The following AHRR variants were observed in gnomAD, a reference collection of about 807,000 sequenced individuals.
AHRR encodes the protein ahR repressor.
A neutral mutation model predicts 44.0 loss-of-function variants in AHRR; 28 were observed. The observed-to-expected ratio is 0.64, with a 90% confidence interval of 0.47 to 0.87. AHRR has a LOEUF of 0.87. AHRR is among the 40% of genes least tolerant of loss of function. The probability of loss-of-function intolerance (pLI) is 0.00; values close to 1 mark genes in which losing one functional copy is unlikely to be tolerated. For synonymous variants in AHRR, 434 were observed against 407.0 expected, an observed-to-expected ratio of 1.07 and a Z score of -0.80; for missense variants, 990 against 953.9, an observed-to-expected ratio of 1.04 and a Z score of -0.50.
At chr5:392,885 T>C (rs1490352379) in intron 4 of AHRR, among the ~76,000 whole-genome samples, 1 of 152,038 alleles carries the variant, frequency 6.6e-6, no homozygotes, top group Non-Finnish European at 1.5e-5. Flanking sequence ...CATGCCTTCA[T>C]TTTCTGCGTT....
At chr5:346,945 T>A (rs558251229) in intron 2 of AHRR, among the ~76,000 whole-genome samples, 3 of 152,138 alleles carry the variant, frequency 2.0e-5, no homozygotes, top group Non-Finnish European at 4.4e-5. Flanking sequence ...AGAGTTAAAA[T>A]CAAATCCCCC....
intron 4 of AHRR, among the ~76,000 whole-genome samples, chr5:410,094 C>A (rs957414621): frequency 5.3e-5 from 8 of 152,194 alleles, no homozygotes; most frequent in Non-Finnish European, 7.3e-5. Context: ...CTGCTGTGAC[C>A]AGAGCTTTAT....
intron 1 of AHRR, among the ~76,000 whole-genome samples, chr5:323,151 T>C (rs1019203658): frequency 6.6e-6 from 1 of 152,170 alleles, no homozygotes; most frequent in Non-Finnish European, 1.5e-5. Flanking sequence ...GGTCCTCCCC[T>C]GTCCCCCAAT....
chr5:413,811 G>A (rs115537736), intron 5 of AHRR, among the ~76,000 whole-genome samples: 32 of 152,332 alleles, frequency 2.1e-4, no homozygotes, highest in African/African-American at 6.3e-4. Flanking sequence ...GACACAGCTT[G>A]TTGTGGAAAT....
At chr5:391,366 G>C (rs1404306249) in intron 4 of AHRR, among the ~76,000 whole-genome samples, 8 of 114,018 alleles carry the variant, frequency 7.0e-5, no homozygotes, top group African/African-American at 3.4e-4. Flanking sequence ...CAGGGCCAGA[G>C]CGTGCATGGG....
chr5:400,643 G>A (rs1311009391), intron 4 of AHRR, among the ~76,000 whole-genome samples: 1 of 152,104 alleles, frequency 6.6e-6, no homozygotes, highest in Non-Finnish European at 1.5e-5. Flanking sequence ...TTGAAAGATG[G>A]GCCCACATGT....
chr5:406,677 C>T lies in AHRR; in HGVS notation c.352-6667C>T, dbSNP rs1367421866. On this transcript the variant is annotated intron_variant, in intron 4 of 10. Coordinates refer to ENST00000684583, the MANE Select transcript of AHRR (RefSeq NM_001377236.1). This position sits in a 1 kb window ranked among gnomAD's most constrained non-coding sequence, Gnocchi z 4.7. ...CGATGCAGGCAGCTCAAAGGAGAAA[C>T]GCAGCCCCTTCTCCCCTGTGAAACT... Among the ~76,000 whole-genome samples, 1 of 152,176 alleles carries T rather than the reference C, an allele frequency of 6.6e-6. No individual in the cohort carries two copies. The highest frequency in any genetic ancestry group is 2.4e-5 in the African/African-American group (1 of 41,422).
Position 389,417 on chromosome 5 carries a change from C to T in AHRR, c.351+12701C>T, listed in dbSNP as rs899668629. On this transcript the variant is annotated intron_variant, in intron 4 of 10. Coordinates refer to ENST00000684583, the MANE Select transcript of AHRR (RefSeq NM_001377236.1). ...GGATCACATTCTCAAAGTGAATCAA[C>T]GACACCAACATCAAGCCACATTCAA... Among the ~76,000 whole-genome samples, 17 of 152,202 alleles carry T rather than the reference C, an allele frequency of 1.1e-4. 1 individual carries two copies. The highest frequency in any genetic ancestry group is 6.2e-4 in the South Asian group (3 of 4,834).
intron 5 of AHRR, 149 bp downstream of exon 5, chr5:413,582 G>A (rs1431157856): frequency 1.6e-6 from 1 of 643,680 alleles, no homozygotes; most frequent in East Asian, 2.8e-5. Context: ...CCACACCCCA[G>A]CTTTGTCTAG....
At chr5:328,312 G>C (rs1382890296) in intron 1 of AHRR, among the ~76,000 whole-genome samples, 1 of 126,886 alleles carries the variant, frequency 7.9e-6, no homozygotes, top group Non-Finnish European at 1.6e-5. Context: ...CTGTCGCCCA[G>C]GCTGGAGTGC....
chr5:429,381 C>G lies in AHRR; in HGVS notation c.908+1375C>G, dbSNP rs1579711761. 2.6e-5 allele frequency among the ~76,000 whole-genome samples: 4 copies of G among 152,100 alleles called. No homozygotes were observed. In the East Asian group the frequency reaches 7.7e-4, roughly 29 times the overall value. ...CCTCTCAGAGAATCGTGCAGGACCC[C>G]TTCCCCGGCCACCTGGGCGAGTTGC... On this transcript the variant is annotated intron_variant, in intron 8 of 10. Transcript: ENST00000684583.
At chr5:399,579 C>T (rs984428304) in intron 4 of AHRR, among the ~76,000 whole-genome samples, 6 of 152,218 alleles carry the variant, frequency 3.9e-5, no homozygotes, top group African/African-American at 1.4e-4. Flanking sequence ...CACAGACGCT[C>T]ACTGTTGCCG....
chr5:407,832 C>T (rs769164621), intron 4 of AHRR, among the ~76,000 whole-genome samples: 54 of 152,218 alleles, frequency 3.5e-4, no homozygotes, highest in Non-Finnish European at 6.9e-4. Context: ...CCACTGAGCC[C>T]GGCCTTACTT....
rs1579720404 is a variant in AHRR, at chr5:434,972, G to T, written c.*138G>T. On this transcript the variant is annotated 3_prime_UTR_variant, in exon 11 of 11. Transcript: ENST00000684583. The stretch of plus-strand genomic sequence containing the variant: ...AGAGCTGTGCATGCGCAGTCTGCTA[G>T]TGTGTGTGTGCAGCATACGCAGGAG... The T allele has an allele frequency of 3.3e-6, 4 of 1,221,032 alleles. No homozygotes were observed. The East Asian group carries it at 1.0e-4, about 31-fold the overall frequency. 75.6% of individuals were successfully genotyped at this position (1,221,032 alleles called of 1,614,324 possible).
rs183130768 is a variant in AHRR, at chr5:384,887, T to C, written c.351+8171T>C. On this transcript the variant is annotated intron_variant, in intron 4 of 10. Coordinates refer to ENST00000684583, the MANE Select transcript of AHRR (RefSeq NM_001377236.1). The stretch of plus-strand genomic sequence containing the variant: ...TAGGCCGGGCGCGGTGGCTCATGCC[T>C]GTTATCCCAGCACTTTGGGAGGCTG... Among the ~76,000 whole-genome samples, 40 of 152,286 alleles carry C rather than the reference T, an allele frequency of 2.6e-4. 1 individual carries two copies. The East Asian group carries it at 7.7e-3, about 29-fold the overall frequency.
chr5:412,287 C>T (rs141513622), intron 4 of AHRR, among the ~76,000 whole-genome samples: 21 of 152,246 alleles, frequency 1.4e-4, no homozygotes, highest in Non-Finnish European at 2.6e-4. Context: ...CTTGCACACA[C>T]GAACAATAAA....
In AHRR at chr5:436,453, C is replaced by G. The variant is rs745387510; in HGVS notation, c.*1619C>G. 6.6e-6 allele frequency: 1 copy of G among 152,440 alleles called. No homozygotes were observed. Among genetic ancestry groups the G allele is most frequent in the Non-Finnish European group, 1.5e-5 (1 of 68,140 alleles). The allele number at this position is 152,440 out of a possible 1,614,324, so 9.4% of individuals were successfully genotyped here. On this transcript the variant is annotated 3_prime_UTR_variant, in exon 11 of 11. Transcript: ENST00000684583. ...TGGTTGGCAGGACTGGGTCTTCTGC[C>G]CAATGCCAGGTGCCTGCGCCTCTCA...
At position 337,606 on chromosome 5, in the gene AHRR, A is replaced by AT. The variant is rs1429456389; in HGVS notation, c.-10-6278dup. Among the ~76,000 whole-genome samples, 4 of 151,866 alleles carry AT rather than the reference A, an allele frequency of 2.6e-5. No individual in the cohort carries two copies. The highest frequency in any genetic ancestry group is 2.1e-4 in the South Asian group (1 of 4,810). ...ACTGTGTTGGCGTTTTATATTTTAAATTTTTTTTTATTTGAATTGAGAAAC... is the reference window on the plus strand; with the variant it reads ...ACTGTGTTGGCGTTTTATATTTTAAATTTTTTTTTTATTTGAATTGAGAAAC... On this transcript the variant is annotated intron_variant, in intron 1 of 10. Transcript: ENST00000684583. This position sits in a 1 kb window ranked among gnomAD's most constrained non-coding sequence, Gnocchi z 4.1.
intron 8 of AHRR, among the ~76,000 whole-genome samples, chr5:428,748 C>T (rs1330424261): frequency 6.6e-6 from 1 of 152,186 alleles, no homozygotes; most frequent in Admixed American, 6.5e-5. Context: ...GCTTGTTTTC[C>T]TGTAACTAGG....
Sources: allele counts gnomAD v4.1 joint callset (sites outside exome capture counted in the v4.1 genomes callset), GRCh38; gene constraint gnomAD v4.1.1; non-coding constraint Gnocchi (gnomAD v3.1); transcripts MANE v1.5; gene names NCBI Gene and HGNC (gene_info 2026-07-23, HGNC 2026-07-21).